DLGAP1: variants seen among roughly 807,000 people sequenced by gnomAD.
The protein encoded by DLGAP1 is DLG associated protein 1.
A neutral mutation model predicts 90.8 loss-of-function variants in DLGAP1; 11 were observed. That is an observed-to-expected ratio of 0.12 (90% CI 0.08 to 0.20). DLGAP1 has a LOEUF of 0.20. Among genes scored for constraint, DLGAP1 ranks in the 10% least tolerant of loss-of-function variants. The probability of loss-of-function intolerance (pLI) is 1.00; values close to 1 mark genes in which losing one functional copy is unlikely to be tolerated. For synonymous variants in DLGAP1, 558 were observed against 540.7 expected, an observed-to-expected ratio of 1.03 and a Z score of -0.44; for missense variants, 1,050 against 1,333.8, an observed-to-expected ratio of 0.79 and a Z score of 3.31.
chr18:4,163,943 G>T (rs2076890564), intron 1 of DLGAP1, among the ~76,000 whole-genome samples: 1 of 152,094 alleles, frequency 6.6e-6, no homozygotes, highest in African/African-American at 2.4e-5. Flanking sequence ...GTAGATCTAA[G>T]ATGCTCCTCC....
chr18:4,055,771 C>T (rs2075205422), intron 2 of DLGAP1, among the ~76,000 whole-genome samples: 1 of 152,088 alleles, frequency 6.6e-6, no homozygotes, highest in Non-Finnish European at 1.5e-5. Context: ...GTGTGGGCCA[C>T]CCCCATGTCC....
intron 1 of DLGAP1, among the ~76,000 whole-genome samples, chr18:4,317,248 C>T (rs2080554335): frequency 6.6e-6 from 1 of 152,172 alleles, no homozygotes; most frequent in Non-Finnish European, 1.5e-5. Context: ...TCATGTAGGG[C>T]CGTCACATCC....
At chr18:3,720,940 C>T (rs1318489752) in intron 7 of DLGAP1, among the ~76,000 whole-genome samples, 1 of 138,132 alleles carries the variant, frequency 7.2e-6, no homozygotes, top group Non-Finnish European at 1.5e-5. Flanking sequence ...CTCAGCTATA[C>T]TGGGGGCTGA....
rs576271708 is a variant in DLGAP1 at position 3,842,256 on chromosome 18, A to G, written c.958-27983T>C. Among the ~76,000 whole-genome samples the G allele has an allele frequency of 3.9e-5, 6 of 152,224 alleles. No individual in the cohort carries two copies. In the South Asian group the frequency reaches 1.2e-3, roughly 32 times the overall value. On this transcript the variant is annotated intron_variant, in intron 4 of 12. Transcript: ENST00000315677. Reference sequence around the variant, plus strand: ...CCAGTATGGCTGAAATGCAGAGTGGACAGAGGGAGTGTTAGGAAATGAGAT... The same window carrying G: ...CCAGTATGGCTGAAATGCAGAGTGGGCAGAGGGAGTGTTAGGAAATGAGAT...
At chr18:4,246,531 A>C (rs2078655890) in intron 1 of DLGAP1, among the ~76,000 whole-genome samples, 2 of 152,182 alleles carry the variant, frequency 1.3e-5, no homozygotes, top group African/African-American at 4.8e-5. Flanking sequence ...TGCAGTGAGG[A>C]GTCAGTTATC....
At chr18:4,411,312 G>C (rs1052085932) in intron 1 of DLGAP1, among the ~76,000 whole-genome samples, 5 of 152,244 alleles carry the variant, frequency 3.3e-5, no homozygotes, top group Middle Eastern at 3.4e-3. Context: ...ATAGCCCCTG[G>C]GATGAGATAA....
At chr18:3,883,603 G>A (rs2071236521) in intron 3 of DLGAP1, among the ~76,000 whole-genome samples, 1 of 152,232 alleles carries the variant, frequency 6.6e-6, no homozygotes, top group Non-Finnish European at 1.5e-5. Context: ...TAAGTTAGTA[G>A]AATATTTACT....
Position 4,102,359 on chromosome 18 carries a change from A to T in DLGAP1, c.-159+48821T>A, listed in dbSNP as rs534279889. 8.5e-5 allele frequency among the ~76,000 whole-genome samples: 13 copies of T among 152,276 alleles called. No homozygotes were observed. The South Asian group carries it at 2.7e-3, about 32-fold the overall frequency. On this transcript the variant is annotated intron_variant, in intron 2 of 12. Transcript: ENST00000315677. ...GATTCGAGGTGGGTTTATAAACTTT[A>T]GTCATTTTATTACAAGAGCCATATT...
intron 2 of DLGAP1, among the ~76,000 whole-genome samples, chr18:4,023,649 T>C (rs1212299699): frequency 6.6e-6 from 1 of 152,192 alleles, no homozygotes; most frequent in Admixed American, 6.5e-5. Context: ...ATTGGTCTTC[T>C]TGCTAGAACA....
intron 7 of DLGAP1, among the ~76,000 whole-genome samples, chr18:3,679,618 G>T (rs529176951): frequency 6.7e-6 from 1 of 149,048 alleles, no homozygotes; most frequent in Non-Finnish European, 1.5e-5. Flanking sequence ...AGATAGGGCC[G>T]ATGAGCTCCG....
At chr18:4,207,722 TC>T (rs2077751538) in intron 1 of DLGAP1, among the ~76,000 whole-genome samples, 1 of 152,158 alleles carries the variant, frequency 6.6e-6, no homozygotes, top group Non-Finnish European at 1.5e-5. Flanking sequence ...CTGCTTTTAG[TC>T]CAGCTAACCA....
chr18:4,296,148 G>A (rs893920659), intron 1 of DLGAP1, among the ~76,000 whole-genome samples: 6 of 152,072 alleles, frequency 3.9e-5, no homozygotes, highest in African/African-American at 1.4e-4. Context: ...ACACATTATG[G>A]CCCCACCACC....
intron 1 of DLGAP1, among the ~76,000 whole-genome samples, chr18:4,270,698 T>C (rs1172985529): frequency 1.3e-5 from 2 of 152,150 alleles, no homozygotes; most frequent in African/African-American, 2.4e-5. Context: ...CTGACAAGCA[T>C]TCTATGGCTA....
chr18:3,662,879 C>T (rs11081062), intron 7 of DLGAP1, among the ~76,000 whole-genome samples: 44,614 of 152,132 alleles, frequency 0.29, 7,483 homozygotes, highest in African/African-American at 0.47. Context: ...GAGGCAAATA[C>T]CTTTTTCATA....
At chr18:3,871,631 C>T (rs759153932) in intron 4 of DLGAP1, among the ~76,000 whole-genome samples, 43 of 152,098 alleles carry the variant, frequency 2.8e-4, no homozygotes, top group Non-Finnish European at 4.6e-4. Context: ...CTAGTCTACA[C>T]GAATGGTCCA....
chr18:4,311,392 T>G (rs1023010887), intron 1 of DLGAP1, among the ~76,000 whole-genome samples: 16 of 152,222 alleles, frequency 1.1e-4, no homozygotes, highest in Non-Finnish European at 2.2e-4. Flanking sequence ...ATTTAGATAA[T>G]AAGCTCAAAG....
chr18:3,737,037 C>T (rs539542216), intron 6 of DLGAP1, among the ~76,000 whole-genome samples: 161 of 148,192 alleles, frequency 1.1e-3, no homozygotes, highest in Admixed American at 4.7e-3. Context: ...TGGATAAATT[C>T]CTCGACACAT....
At chr18:4,045,421 C>A (rs1297242567) in intron 2 of DLGAP1, among the ~76,000 whole-genome samples, 1 of 88,116 alleles carries the variant, frequency 1.1e-5, no homozygotes, top group Non-Finnish European at 2.2e-5. Flanking sequence ...CATAGAAAGA[C>A]CCCATCTCTA....
At chr18:4,116,301 G>A (rs1167542270) in intron 2 of DLGAP1, among the ~76,000 whole-genome samples, 1 of 152,088 alleles carries the variant, frequency 6.6e-6, no homozygotes, top group Non-Finnish European at 1.5e-5. Flanking sequence ...TCTACATTTT[G>A]ACTATAATGT....
Sources: allele counts gnomAD v4.1 joint callset (sites outside exome capture counted in the v4.1 genomes callset), GRCh38; gene constraint gnomAD v4.1.1; transcripts MANE v1.5; gene names NCBI Gene and HGNC (gene_info 2026-07-23, HGNC 2026-07-21).